Variants in WRN observed in about 807,000 individuals in gnomAD.
The protein encoded by WRN is WRN RecQ like helicase.
In WRN, 149 loss-of-function variants were observed where a neutral mutation model predicts 180.7. The ratio of observed to expected loss-of-function variants is 0.82; its 90% CI spans 0.72 to 0.94. The LOEUF (loss-of-function observed/expected upper bound fraction) is 0.94, where lower values mean the gene tolerates loss of function less well. Among genes scored for constraint, WRN ranks in the 40% least tolerant of loss-of-function variants. The pLI is 0.00. For synonymous variants in WRN, 548 were observed against 568.9 expected, an observed-to-expected ratio of 0.96 and a Z score of 0.52; for missense variants, 1,661 against 1,700.1, an observed-to-expected ratio of 0.98 and a Z score of 0.40.
At chr8:31,062,094 A>G (rs572540842) in intron 3 of WRN, among the ~76,000 whole-genome samples, 23 of 152,244 alleles carry the variant, frequency 1.5e-4, no homozygotes, top group Non-Finnish European at 2.8e-4. Flanking sequence ...TCCCAGGAAG[A>G]ATGTGGGGCA....
In WRN at chr8:31,135,894, C is replaced by T. The variant is rs369877233; in HGVS notation, c.2967+3388C>T. On this transcript the variant is annotated intron_variant, in intron 24 of 34. Transcript: ENST00000298139. ...ACTTTGCTTTTACCGGAAACTGATA[C>T]GTTGGGTCATGTACCCTGGCCAGTC... Among the ~76,000 whole-genome samples the T allele has an allele frequency of 2.6e-5, 4 of 152,136 alleles. No individual in the cohort carries two copies. In the East Asian group the frequency reaches 5.8e-4, roughly 22 times the overall value.
At chr8:31,094,707 T>G (rs928844833) in intron 16 of WRN, among the ~76,000 whole-genome samples, 2 of 152,198 alleles carry the variant, frequency 1.3e-5, no homozygotes, top group Admixed American at 1.3e-4. Flanking sequence ...ATGATTTGCC[T>G]ATTCTGGATG....
chr8:31,077,271 C>T (rs931679459), intron 8 of WRN, among the ~76,000 whole-genome samples: 1 of 151,994 alleles, frequency 6.6e-6, no homozygotes, highest in Non-Finnish European at 1.5e-5. Context: ...AGACGAGTCT[C>T]GCTTTGTTGC....
intron 3 of WRN, among the ~76,000 whole-genome samples, chr8:31,063,998 AG>A: frequency 6.6e-6 from 1 of 152,322 alleles, no homozygotes; most frequent in Non-Finnish European, 1.5e-5. Context: ...CTGGGATTAC[AG>A]GGGTAAACCA....
In WRN at chr8:31,068,342, A is replaced by G; in HGVS notation, c.724+15A>G. 1 of 1,585,158 alleles carries G rather than the reference A, an allele frequency of 6.3e-7. No homozygotes were observed. Among genetic ancestry groups the G allele is most frequent in the Non-Finnish European group, 8.7e-7 (1 of 1,155,924 alleles). On this transcript the variant is annotated intron_variant, in intron 7 of 34. Coordinates refer to ENST00000298139, the MANE Select transcript of WRN (RefSeq NM_000553.6). Reference sequence around the variant, plus strand: ...TATAAATAAAGGTATGTTAAGATCCATAAATAAAATGTGAATTCACTCTTT... The same window carrying G: ...TATAAATAAAGGTATGTTAAGATCCGTAAATAAAATGTGAATTCACTCTTT...
intron 1 of WRN, among the ~76,000 whole-genome samples, chr8:31,049,299 G>T (rs930090614): frequency 2.6e-5 from 4 of 151,382 alleles, no homozygotes; most frequent in Non-Finnish European, 5.9e-5. Flanking sequence ...GGGAGGCTGA[G>T]GTAGGGAGGA....
At chr8:31,074,176 C>T (rs892366721) in intron 7 of WRN, among the ~76,000 whole-genome samples, 24 of 151,886 alleles carry the variant, frequency 1.6e-4, no homozygotes, top group Middle Eastern at 3.4e-3. Context: ...CCACCCGCCT[C>T]GGCCTCCCAA....
chr8:31,041,182 C>T (rs560763899), intron 1 of WRN, among the ~76,000 whole-genome samples: 1 of 152,226 alleles, frequency 6.6e-6, no homozygotes, highest in South Asian at 2.1e-4. Flanking sequence ...AGGAGACATA[C>T]CCACGGGAGC....
rs1232835278 is a variant in WRN at position 31,124,014 on chromosome 8, GAC to G, written c.2631-506_2631-505del. Among the ~76,000 whole-genome samples the G allele has an allele frequency of 3.3e-5, 5 of 152,198 alleles. No individual in the cohort carries two copies. The East Asian group carries it at 7.7e-4, about 23-fold the overall frequency. On this transcript the variant is annotated intron_variant, in intron 21 of 34. Transcript: ENST00000298139. ...CCCATAATAACCCATAATACTAAGA[GAC>G]AGTTTTGGAGGGCGAGAAGTCCTGA...
At chr8:31,094,098 T>C (rs985865757) in intron 16 of WRN, among the ~76,000 whole-genome samples, 2 of 152,214 alleles carry the variant, frequency 1.3e-5, no homozygotes, top group African/African-American at 4.8e-5. Context: ...TATGTTTTCA[T>C]TTTATTATAT....
intron 24 of WRN, among the ~76,000 whole-genome samples, chr8:31,140,899 G>T (rs1802596070): frequency 1.3e-5 from 2 of 152,062 alleles, no homozygotes; most frequent in South Asian, 4.1e-4. Context: ...GGGACCACAG[G>T]TGCCCGCCAC....
intron 9 of WRN, among the ~76,000 whole-genome samples, chr8:31,082,254 T>C (rs2130126143): frequency 6.6e-6 from 1 of 152,356 alleles, no homozygotes; most frequent in African/African-American, 2.4e-5. Context: ...TCTGAAATTT[T>C]ATATTTTATT....
chr8:31,167,245 T>C lies in WRN; in HGVS notation c.4191+15T>C. 1.3e-6 allele frequency: 2 copies of C among 1,599,828 alleles called. No individual in the cohort carries two copies. The highest frequency in any genetic ancestry group is 1.1e-5 in the South Asian group (1 of 89,820). On this transcript the variant is annotated intron_variant, in intron 34 of 34. Transcript: ENST00000298139. The stretch of plus-strand genomic sequence containing the variant: ...TCAATACTGAGGTATTAATTATATA[T>C]AGAATTTTCATAAAGTGTCAGTTTG...
At position 31,067,025 on chromosome 8, in the gene WRN, A is replaced by G. The variant is rs780927874; in HGVS notation, c.505-8A>G. ...GATTTTACTGTGTTGCTTTTTCATCATTTCTAGCTGAAATGCACAGAGACC... is the reference window on the plus strand; with the variant it reads ...GATTTTACTGTGTTGCTTTTTCATCGTTTCTAGCTGAAATGCACAGAGACC... On this transcript the variant is annotated splice_region_variant and splice_polypyrimidine_tract_variant and intron_variant, in intron 5 of 34. Coordinates refer to ENST00000298139, the MANE Select transcript of WRN (RefSeq NM_000553.6). The G allele has an allele frequency of 3.7e-6, 6 of 1,613,568 alleles. No individual in the cohort carries two copies. The East Asian group carries it at 1.1e-4, about 30-fold the overall frequency.
intron 33 of WRN, 104 bp downstream of exon 33, chr8:31,157,634 T>C (rs754147256): frequency 1.8e-5 from 26 of 1,413,068 alleles, no homozygotes; most frequent in African/African-American, 2.8e-5. Flanking sequence ...TATGCTATTA[T>C]GAAAACCTTA....
intron 1 of WRN, among the ~76,000 whole-genome samples, chr8:31,054,055 G>T (rs1812174870): frequency 6.6e-6 from 1 of 152,188 alleles, no homozygotes; most frequent in Non-Finnish European, 1.5e-5. Flanking sequence ...GGAGTTTTCA[G>T]TCTATGAAAG....
chr8:31,173,337 G>A lies in WRN; in HGVS notation c.*235G>A, dbSNP rs1302881480. 2 of 504,698 alleles carry A rather than the reference G, an allele frequency of 4.0e-6. No individual in the cohort carries two copies. Among genetic ancestry groups the A allele is most frequent in the Non-Finnish European group, 7.1e-6 (2 of 281,886 alleles). The allele number at this position is 504,698 out of a possible 1,614,324, so 31.3% of individuals were successfully genotyped here. On this transcript the variant is annotated 3_prime_UTR_variant, in exon 35 of 35. Transcript: ENST00000298139. ...AACAGAATATTAAATTAGACTTCCT[G>A]TAAGATTGCTTTAAGAAACTGTTAC...
chr8:31,038,217 C>A (rs1380249367), intron 1 of WRN, among the ~76,000 whole-genome samples: 2 of 152,042 alleles, frequency 1.3e-5, no homozygotes, highest in Non-Finnish European at 2.9e-5. Context: ...TCCAGTTCTC[C>A]ATATGCTCAC....
At chr8:31,088,429 A>G (rs1813619681) in intron 12 of WRN, among the ~76,000 whole-genome samples, 1 of 152,148 alleles carries the variant, frequency 6.6e-6, no homozygotes, top group Admixed American at 6.5e-5. Flanking sequence ...AAACTAAACG[A>G]GATTTTCGTA....
Sources: gnomAD v4.1 joint callset for allele counts (sites outside exome capture counted in the v4.1 genomes callset) on GRCh38, gnomAD v4.1.1 for gene constraint, MANE v1.5 for transcripts, NCBI Gene and HGNC (gene_info 2026-07-23, HGNC 2026-07-21) for gene names.